The following TNKS variants were observed in gnomAD, a reference collection of about 807,000 sequenced individuals.
TNKS encodes tankyrase.
A neutral mutation model predicts 135.8 loss-of-function variants in TNKS; 72 were observed. The ratio of observed to expected loss-of-function variants is 0.53; its 90% confidence interval spans 0.44 to 0.64. The LOEUF (loss-of-function observed/expected upper bound fraction) is 0.64, where lower values mean the gene tolerates loss of function less well. Among genes scored for constraint, TNKS ranks in the 30% least tolerant of loss-of-function variants. The probability of loss-of-function intolerance (pLI) is 0.00; values close to 1 mark genes in which losing one functional copy is unlikely to be tolerated. For missense variants in TNKS, 1,769 were observed against 1,674.0 expected, an observed-to-expected ratio of 1.06 and a Z score of -0.99; for synonymous variants, 849 against 649.3, an observed-to-expected ratio of 1.31 and a Z score of -4.68.
At chr8:9,745,898 G>C (rs1806209907) in intron 17 of TNKS, among the ~76,000 whole-genome samples, 1 of 152,160 alleles carries the variant, frequency 6.6e-6, no homozygotes, top group South Asian at 2.1e-4. Flanking sequence ...CTCAGAAAAA[G>C]TGCCTGTTCT....
chr8:9,701,194 C>G (rs1207094295), intron 5 of TNKS, among the ~76,000 whole-genome samples: 2 of 152,196 alleles, frequency 1.3e-5, no homozygotes, highest in East Asian at 1.9e-4. Context: ...GCCTCAGCCT[C>G]CCAAAGTGCT....
chr8:9,773,118 G>T (rs542007863), intron 26 of TNKS, among the ~76,000 whole-genome samples: 3 of 151,524 alleles, frequency 2.0e-5, no homozygotes, highest in Non-Finnish European at 2.9e-5. Flanking sequence ...TAGAAAAGAA[G>T]CTTTTTTTTA....
At chr8:9,580,580 C>G (rs974483165) in intron 2 of TNKS, among the ~76,000 whole-genome samples, 197 bp downstream of exon 2, 5 of 152,088 alleles carry the variant, frequency 3.3e-5, no homozygotes, top group Non-Finnish European at 7.4e-5. Context: ...ATTAACTTTC[C>G]AAATGCAGTC....
chr8:9,709,921 G>T, intron 9 of TNKS, 34 bp from the exon 10 acceptor site: 2 of 1,536,112 alleles, frequency 1.3e-6, no homozygotes, highest in East Asian at 2.2e-5. Flanking sequence ...ATATGGAAGT[G>T]TATTTTATTA....
intron 3 of TNKS, among the ~76,000 whole-genome samples, chr8:9,651,541 A>C (rs1441936433): frequency 6.6e-6 from 1 of 152,170 alleles, no homozygotes; most frequent in Admixed American, 6.5e-5. Flanking sequence ...ACTTGTACTA[A>C]ATATTTCTAA....
intron 2 of TNKS, among the ~76,000 whole-genome samples, chr8:9,595,269 C>T (rs1798736514): frequency 6.6e-6 from 1 of 151,812 alleles, no homozygotes; most frequent in Non-Finnish European, 1.5e-5. Context: ...TACAGGCACC[C>T]TTGAATTGGG....
chr8:9,731,448 G>A (rs1308719855), intron 14 of TNKS, among the ~76,000 whole-genome samples: 3 of 83,912 alleles, frequency 3.6e-5, no homozygotes, highest in African/African-American at 9.2e-5. Flanking sequence ...CAACAAGAGC[G>A]AAATTCCATC....
At chr8:9,761,773 C>T (rs1423019833) in intron 21 of TNKS, 137 bp downstream of exon 21, 2 of 878,454 alleles carry the variant, frequency 2.3e-6, no homozygotes, top group Non-Finnish European at 3.3e-6. Flanking sequence ...TTCCCCATCT[C>T]AGTTATTGGC....
chr8:9,761,215 G>T (rs1245795795), intron 20 of TNKS, among the ~76,000 whole-genome samples: 1 of 152,150 alleles, frequency 6.6e-6, no homozygotes, highest in Non-Finnish European at 1.5e-5. Flanking sequence ...GCAAGCAGTA[G>T]ATGATAGAAC....
intron 3 of TNKS, among the ~76,000 whole-genome samples, chr8:9,638,824 G>T (rs1432838942): frequency 4.6e-5 from 7 of 152,144 alleles, no homozygotes; most frequent in Admixed American, 4.6e-4. Flanking sequence ...AAAAAAATAG[G>T]ATGAGGATGA....
intron 17 of TNKS, among the ~76,000 whole-genome samples, chr8:9,736,287 G>T (rs993561219): frequency 6.7e-6 from 1 of 150,072 alleles, no homozygotes; most frequent in Non-Finnish European, 1.5e-5. Context: ...GGAGGCTGAG[G>T]TGGGAAGATC....
At chr8:9,767,617 T>C (rs943914651) in intron 25 of TNKS, among the ~76,000 whole-genome samples, 2 of 152,160 alleles carry the variant, frequency 1.3e-5, no homozygotes, top group African/African-American at 4.8e-5. Flanking sequence ...GGATGTCATA[T>C]ACCCGGAAGG....
intron 3 of TNKS, among the ~76,000 whole-genome samples, chr8:9,668,583 C>T (rs1331858977): frequency 6.6e-6 from 1 of 152,188 alleles, no homozygotes; most frequent in Non-Finnish European, 1.5e-5. Flanking sequence ...ACTGTAGTGT[C>T]AAAGCTAGGA....
intron 8 of TNKS, among the ~76,000 whole-genome samples, chr8:9,708,050 A>G (rs925736681): frequency 1.3e-5 from 2 of 152,184 alleles, no homozygotes; most frequent in Non-Finnish European, 2.9e-5. Context: ...GTTACAGCAT[A>G]TGTGCACACA....
At chr8:9,736,479 G>A (rs1056070501) in intron 17 of TNKS, among the ~76,000 whole-genome samples, 5 of 151,812 alleles carry the variant, frequency 3.3e-5, no homozygotes, top group Admixed American at 1.3e-4. Flanking sequence ...CCTTGCCCAC[G>A]CCTATGTCCT....
intron 1 of TNKS, among the ~76,000 whole-genome samples, chr8:9,576,866 A>G (rs1478364342): frequency 1.3e-5 from 2 of 152,320 alleles, no homozygotes; most frequent in Non-Finnish European, 2.9e-5. Flanking sequence ...TAGAATATGA[A>G]ATGCATAATA....
At chr8:9,655,560 T>G (rs1240213488) in intron 3 of TNKS, among the ~76,000 whole-genome samples, 2 of 152,132 alleles carry the variant, frequency 1.3e-5, no homozygotes, top group African/African-American at 2.4e-5. Flanking sequence ...GAAGAACGAT[T>G]AGACAGCAGC....
chr8:9,746,881 C>CTTTTTTTTTTTTTTT (rs10672387), intron 17 of TNKS, among the ~76,000 whole-genome samples: 13 of 117,186 alleles, frequency 1.1e-4, no homozygotes, highest in African/African-American at 4.7e-4. Flanking sequence ...CCTACTTAAA[C>CTTTTTTTTTTTTTTT]TTTTTTTTTT....
chr8:9,608,098 G>A (rs887443682), intron 2 of TNKS, among the ~76,000 whole-genome samples: 7 of 151,998 alleles, frequency 4.6e-5, no homozygotes, highest in East Asian at 3.9e-4. Flanking sequence ...GTGCCATCAC[G>A]CCTGGCTCAT....
Sources: allele counts gnomAD v4.1 joint callset (sites outside exome capture counted in the v4.1 genomes callset), GRCh38; gene constraint gnomAD v4.1.1; transcripts MANE v1.5; gene names NCBI Gene and HGNC (gene_info 2026-07-23, HGNC 2026-07-21).